The following PLXNA4 variants were observed in gnomAD, a reference collection of about 807,000 sequenced individuals.
PLXNA4 encodes the protein plexin A4, also known as plexin-A4.
In PLXNA4, 44 loss-of-function variants were observed where a neutral mutation model predicts 191.8. The ratio of observed to expected loss-of-function variants is 0.23; its 90% CI spans 0.18 to 0.29. The LOEUF (loss-of-function observed/expected upper bound fraction) is 0.29. Among genes scored for constraint, PLXNA4 ranks in the 10% least tolerant of loss-of-function variants. The probability of loss-of-function intolerance (pLI) is 1.00; values close to 1 mark genes in which losing one functional copy is unlikely to be tolerated. For synonymous variants in PLXNA4, 1,082 were observed against 1,009.5 expected (o/e 1.07, Z -1.36); for missense variants, 1,800 against 2,488.8 (o/e 0.72, Z 5.89).
chr7:132,159,516 A>G lies in PLXNA4; in HGVS notation c.4617T>C (p.Asn1539=), dbSNP rs1217295270. 2 of 1,613,990 alleles carry G rather than the reference A, an allele frequency of 1.2e-6. No individual in the cohort carries two copies. The highest frequency in any genetic ancestry group is 2.2e-5 in the East Asian group (1 of 44,848). The change falls in exon 25 of 32, where the codon AAT becomes AAC. Residue 1539 remains asparagine, a synonymous_variant. Transcript: ENST00000321063. ...CTTTGGGCCGGTGGGAGCAAGGCAC[A>G]TTCTTGAAGATGGCATCCAGAATCT... ...KEKILDAIFK[N]VPCSHRPKAA... is the part of the protein sequence containing the mutation.
intron 5 of PLXNA4, among the ~76,000 whole-genome samples, chr7:132,229,188 C>A (rs889526019): frequency 1.3e-5 from 2 of 152,168 alleles, no homozygotes; most frequent in African/African-American, 2.4e-5. Context: ...ATCAAAGGAG[C>A]TAAGAACTGT....
At chr7:132,574,196 T>C (rs1407985759) in intron 1 of PLXNA4, among the ~76,000 whole-genome samples, 1 of 152,134 alleles carries the variant, frequency 6.6e-6, no homozygotes, top group African/African-American at 2.4e-5. Flanking sequence ...AGGCTGCGAA[T>C]ACATGAGAAA....
intron 1 of PLXNA4, among the ~76,000 whole-genome samples, chr7:132,525,845 T>A (rs865806020): frequency 4.6e-5 from 7 of 152,212 alleles, no homozygotes; most frequent in African/African-American, 1.7e-4. Context: ...TGGGGAGCCA[T>A]GATGCATGTC....
chr7:132,310,013 G>A (rs1370978491), intron 3 of PLXNA4, among the ~76,000 whole-genome samples: 2 of 152,186 alleles, frequency 1.3e-5, no homozygotes, highest in Non-Finnish European at 2.9e-5. Flanking sequence ...TATAGGGTGT[G>A]ACAGCCATGA....
chr7:132,543,956 G>C lies in PLXNA4; in HGVS notation c.-87+32466C>G, dbSNP rs536949263. On this transcript the variant is annotated intron_variant, in intron 1 of 31. Transcript: ENST00000321063. ...AGACAGAGACAGATGGGAAGTACAG[G>C]GTTATTTCATGAGTGAGGCACACCA... is the stretch of plus-strand genomic sequence containing the variant. Among the ~76,000 whole-genome samples the C allele has an allele frequency of 2.6e-5, 4 of 152,258 alleles. No individual in the cohort carries two copies. The East Asian group carries it at 7.7e-4, about 29-fold the overall frequency.
chr7:132,555,743 G>A (rs765712168), intron 1 of PLXNA4, among the ~76,000 whole-genome samples: 1 of 152,202 alleles, frequency 6.6e-6, no homozygotes, highest in Non-Finnish European at 1.5e-5. Flanking sequence ...AAACAGAGTG[G>A]TATAATGTAA....
chr7:132,260,510 A>G (rs1484200127), intron 4 of PLXNA4, among the ~76,000 whole-genome samples: 2 of 152,134 alleles, frequency 1.3e-5, no homozygotes, highest in Non-Finnish European at 2.9e-5. Flanking sequence ...GCCAGGGAGT[A>G]CTAGAGTGGG....
intron 4 of PLXNA4, among the ~76,000 whole-genome samples, chr7:132,257,352 T>C (rs1205600292): frequency 1.3e-5 from 2 of 152,232 alleles, no homozygotes; most frequent in Non-Finnish European, 2.9e-5. Flanking sequence ...TCACAAGGTC[T>C]GTCTCCTTCT....
intron 4 of PLXNA4, among the ~76,000 whole-genome samples, chr7:132,241,813 A>C (rs1440197417): frequency 7.7e-6 from 1 of 129,382 alleles, no homozygotes; most frequent in African/African-American, 2.9e-5. Flanking sequence ...ATCTGCTGCT[A>C]TTTCTCCTCC....
intron 1 of PLXNA4, among the ~76,000 whole-genome samples, chr7:132,512,645 C>T (rs938994471): frequency 5.9e-5 from 9 of 152,274 alleles, no homozygotes; most frequent in African/African-American, 2.2e-4. Context: ...AAGACCCCAC[C>T]AGGAACCACC....
In PLXNA4 at chr7:132,125,417, T is replaced by C. The variant is rs1040984099; in HGVS notation, c.*5062A>G. On this transcript the variant is annotated 3_prime_UTR_variant, in exon 32 of 32. Coordinates refer to ENST00000321063, the MANE Select transcript of PLXNA4 (RefSeq NM_020911.2). ...GAATGTCCTGACCCATTTTTTTTTTTCAATGGGGGAGGCTCCTCCTGTCCT... is the reference window on the plus strand; with the variant it reads ...GAATGTCCTGACCCATTTTTTTTTTCCAATGGGGGAGGCTCCTCCTGTCCT... The C allele has an allele frequency of 3.3e-5, 5 of 152,128 alleles. 1 individual carries two copies. Among genetic ancestry groups the C allele is most frequent in the Middle Eastern group, 6.8e-3 (2 of 294 alleles). 9.4% of individuals were successfully genotyped at this position (152,128 alleles called of 1,614,324 possible).
intron 3 of PLXNA4, among the ~76,000 whole-genome samples, chr7:132,326,082 T>A (rs1472506974): frequency 6.6e-6 from 1 of 152,142 alleles, no homozygotes; most frequent in Non-Finnish European, 1.5e-5. Flanking sequence ...GAGTAGTGCA[T>A]CAGACTGCCT....
chr7:132,311,318 C>A (rs1801733813), intron 3 of PLXNA4, among the ~76,000 whole-genome samples: 1 of 152,092 alleles, frequency 6.6e-6, no homozygotes, highest in South Asian at 2.1e-4. Context: ...TGATTCGGTG[C>A]CTCCTGTGGG....
At position 132,127,766 on chromosome 7, in the gene PLXNA4, G is replaced by GA. The variant is rs1325954452; in HGVS notation, c.*2712dup. 1 of 151,642 alleles carries GA rather than the reference G, an allele frequency of 6.6e-6. No homozygotes were observed. The highest frequency in any genetic ancestry group is 1.9e-4 in the East Asian group (1 of 5,172). The allele number at this position is 151,642 out of a possible 1,614,324, so 9.4% of individuals were successfully genotyped here. A position where few individuals can be genotyped will look rare whatever the true frequency, so the allele number is the denominator to read the frequency against. On this transcript the variant is annotated 3_prime_UTR_variant, in exon 32 of 32. Coordinates refer to ENST00000321063, the MANE Select transcript of PLXNA4 (RefSeq NM_020911.2). ...CCCCCAGGAGAAATGGGGACAGCCA[G>GA]AAAATTTGTCTGTCCTTGTCTCCTC...
chr7:132,374,740 A>T (rs1804589221), intron 3 of PLXNA4, among the ~76,000 whole-genome samples: 1 of 152,234 alleles, frequency 6.6e-6, no homozygotes, highest in Non-Finnish European at 1.5e-5. Context: ...CATGACTAGC[A>T]AAATGAATCA....
chr7:132,303,278 G>A (rs1373016418), intron 3 of PLXNA4, among the ~76,000 whole-genome samples: 1 of 139,158 alleles, frequency 7.2e-6, no homozygotes, highest in Non-Finnish European at 1.5e-5. Context: ...GGTAGAAAAT[G>A]TAAAGAAATT....
intron 1 of PLXNA4, among the ~76,000 whole-genome samples, chr7:132,530,678 T>C (rs937907375): frequency 6.6e-6 from 1 of 152,262 alleles, no homozygotes; most frequent in Non-Finnish European, 1.5e-5. Context: ...TGGAAAACTA[T>C]TTGATGGTTC....
chr7:132,513,107 G>A (rs1383649150), intron 1 of PLXNA4, among the ~76,000 whole-genome samples: 1 of 152,138 alleles, frequency 6.6e-6, no homozygotes, highest in African/African-American at 2.4e-5. Context: ...GGGGAGATGG[G>A]ACTCATTTAT....
chr7:132,423,278 A>G (rs1275952456), intron 3 of PLXNA4, among the ~76,000 whole-genome samples: 2 of 152,290 alleles, frequency 1.3e-5, no homozygotes, highest in East Asian at 3.9e-4. Context: ...TGCACAATTC[A>G]TGTTATTATT....
Sources: allele counts gnomAD v4.1 joint callset (sites outside exome capture counted in the v4.1 genomes callset), GRCh38; gene constraint gnomAD v4.1.1; transcripts MANE v1.5; gene names NCBI Gene and HGNC (gene_info 2026-07-23, HGNC 2026-07-21).